ALDH1L2: variants seen among roughly 807,000 people sequenced by gnomAD.
ALDH1L2 encodes the protein aldehyde dehydrogenase 1 family member L2.
In ALDH1L2, 91 loss-of-function variants were observed where a neutral mutation model predicts 111.0. The observed-to-expected ratio is 0.82, with a 90% confidence interval of 0.69 to 0.98. The LOEUF (loss-of-function observed/expected upper bound fraction) is 0.98. Ranked by LOEUF, ALDH1L2 falls within the 50% of genes least tolerant of loss-of-function variation. The probability of loss-of-function intolerance (pLI) is 0.00; values close to 1 mark genes in which losing one functional copy is unlikely to be tolerated. For missense variants in ALDH1L2, 995 were observed against 1,126.8 expected, an observed-to-expected ratio of 0.88 and a Z score of 1.67; for synonymous variants, 374 against 392.6, an observed-to-expected ratio of 0.95 and a Z score of 0.56.
intron 17 of ALDH1L2, among the ~76,000 whole-genome samples, chr12:105,039,469 C>T (rs543280428): frequency 1.1e-4 from 17 of 152,152 alleles, no homozygotes; most frequent in Non-Finnish European, 2.1e-4. Flanking sequence ...GTCTTTTGTG[C>T]TGAATTGTTA....
Position 105,052,858 on chromosome 12 carries a change from G to A in ALDH1L2, c.1361C>T (p.Ala454Val), listed in dbSNP as rs964069170. ...AGTGTCGTAAGTCTTTCCATCGTCT[G>A]CATCTGTGAACTGTCCATTTATGAA... Reference protein sequence around the residue: ...QCFINGQFTDADDGKTYDTIN... With the variant: ...QCFINGQFTDVDDGKTYDTIN... Residue 454 changes from alanine to valine, a missense_variant, in exon 11 of 23, where the codon GCA (alanine) becomes GTA (valine). By Grantham distance (64) the Ala-to-Val change is moderately conservative. Coordinates refer to ENST00000258494, the MANE Select transcript of ALDH1L2 (RefSeq NM_001034173.4). 8 of 1,613,962 alleles carry A rather than the reference G, an allele frequency of 5.0e-6. No homozygotes were observed. Among genetic ancestry groups the A allele is most frequent in the Non-Finnish European group, 3.4e-6 (4 of 1,179,984 alleles).
chr12:105,057,650 C>CA (rs1406230426), intron 10 of ALDH1L2, among the ~76,000 whole-genome samples: 1 of 152,068 alleles, frequency 6.6e-6, no homozygotes, highest in Non-Finnish European at 1.5e-5. Flanking sequence ...AAGCCAGAAA[C>CA]AAAAAGCCAC....
chr12:105,057,701 C>T (rs1340377054), intron 10 of ALDH1L2, among the ~76,000 whole-genome samples: 5 of 152,104 alleles, frequency 3.3e-5, no homozygotes, highest in Non-Finnish European at 4.4e-5. Flanking sequence ...CTAAAATAGG[C>T]AAATCCATAG....
At chr12:105,040,510 G>T in intron 16 of ALDH1L2, 97 bp downstream of exon 16, 1 of 1,087,452 alleles carries the variant, frequency 9.2e-7, no homozygotes, top group Non-Finnish European at 1.4e-6. Flanking sequence ...TTTTAATACA[G>T]TTATAATTCA....
Position 105,024,201 on chromosome 12 carries a change from C to G in ALDH1L2, c.*223G>C, listed in dbSNP as rs1874297700. ...GTATTTTAGAAATACGTATGATATA[C>G]AACATAGTCAAAATGCAACAACTCC... On this transcript the variant is annotated 3_prime_UTR_variant, in exon 23 of 23. Coordinates refer to ENST00000258494, the MANE Select transcript of ALDH1L2 (RefSeq NM_001034173.4). 3 of 595,818 alleles carry G rather than the reference C, an allele frequency of 5.0e-6. No homozygotes were observed. The highest frequency in any genetic ancestry group is 6.0e-5 in the Admixed American group (2 of 33,342). The allele number at this position is 595,818 out of a possible 1,614,324, so 36.9% of individuals were successfully genotyped here.
chr12:105,080,614 A>G (rs1412631325), intron 1 of ALDH1L2, among the ~76,000 whole-genome samples: 1 of 152,152 alleles, frequency 6.6e-6, no homozygotes, highest in African/African-American at 2.4e-5. Context: ...TAGGTTGAGA[A>G]TCCCTTATCC....
chr12:105,076,900 C>G (rs984522017), intron 1 of ALDH1L2, among the ~76,000 whole-genome samples: 1 of 152,274 alleles, frequency 6.6e-6, no homozygotes. Context: ...ACCCATTTTG[C>G]AAATGAGAAA....
In ALDH1L2 at chr12:105,067,316, C is replaced by T. The variant is rs150749956; in HGVS notation, c.595-647G>A. Among the ~76,000 whole-genome samples the T allele has an allele frequency of 6.7e-3, 1,017 of 152,000 alleles. 6 individuals are homozygous for T. Among genetic ancestry groups the T allele is most frequent in the Non-Finnish European group, 8.4e-3 (573 of 67,986 alleles). Reference sequence around the variant, plus strand: ...TAGGTGTCAGAAACAGGATTTGTATCCAGGTCTATCTATTGCCAATCGAAG... The same window carrying T: ...TAGGTGTCAGAAACAGGATTTGTATTCAGGTCTATCTATTGCCAATCGAAG... On this transcript the variant is annotated intron_variant, in intron 4 of 22. Transcript: ENST00000258494.
Position 105,068,862 on chromosome 12 carries a change from T to A in ALDH1L2, c.451A>T (p.Lys151Ter). 1 of 1,581,446 alleles carries A rather than the reference T, an allele frequency of 6.3e-7. No homozygotes were observed. Among genetic ancestry groups the A allele is most frequent in the Non-Finnish European group, 8.6e-7 (1 of 1,168,482 alleles). The stretch of plus-strand genomic sequence containing the variant: ...GCCCAGAAAACAGAAAACCCAGCTT[T>A]CTTATCTCCCATAATTAGAGTCCTG... ...INWTLIMGDK[K>*]AGFSVFWADD... Residue 151 changes from lysine (K) to a stop codon, truncating the protein, a stop_gained, in exon 4 of 23, where the codon AAA (lysine) becomes TAA (stop). Coordinates refer to ENST00000258494, the MANE Select transcript of ALDH1L2 (RefSeq NM_001034173.4). LOFTEE classifies it high-confidence loss of function.
intron 12 of ALDH1L2, among the ~76,000 whole-genome samples, chr12:105,051,619 C>T (rs1228945549): frequency 1.3e-5 from 2 of 152,142 alleles, no homozygotes; most frequent in Non-Finnish European, 2.9e-5. Context: ...CTGCCTGATG[C>T]AAGCAATACT....
In ALDH1L2 at chr12:105,052,232, G is replaced by A. The variant is rs1270094283; in HGVS notation, c.1408-15C>T. 1 of 1,583,820 alleles carries A rather than the reference G, an allele frequency of 6.3e-7. No individual in the cohort carries two copies. The highest frequency in any genetic ancestry group is 8.6e-7 in the Non-Finnish European group (1 of 1,168,600). ...TTGCATATTGTCTATTTCAAGGTAA[G>A]TAAAAATAGGCCCCATGAGAGATAT... On this transcript the variant is annotated splice_polypyrimidine_tract_variant and intron_variant, in intron 11 of 22. Coordinates refer to ENST00000258494, the MANE Select transcript of ALDH1L2 (RefSeq NM_001034173.4).
In ALDH1L2 at chr12:105,082,023, G is replaced by A. The variant is rs140150252; in HGVS notation, c.48+2366C>T. Among the ~76,000 whole-genome samples the A allele has an allele frequency of 8.2e-3, 1,250 of 152,240 alleles. 53 individuals are homozygous for A. The highest frequency in any genetic ancestry group is 0.067 in the Admixed American group (1,026 of 15,288). ...AGCCTGGCCAACATGGCAAAACCTC[G>A]TCTCTACTAAAAATACAAAAATTAG... is the stretch of plus-strand genomic sequence containing the variant. On this transcript the variant is annotated intron_variant, in intron 1 of 22. Transcript: ENST00000258494.
Position 105,050,068 on chromosome 12 carries a change from C to A in ALDH1L2, c.1536-10G>T. 6.4e-7 allele frequency: 1 copy of A among 1,571,212 alleles called. No individual in the cohort carries two copies. The highest frequency in any genetic ancestry group is 1.2e-5 in the South Asian group (1 of 84,628). ...CAGTAGGTCTGCAAGTCTGTGTGGT[C>A]AGTGAAAGAAATAAATTCAACAAGT... On this transcript the variant is annotated splice_polypyrimidine_tract_variant and intron_variant, in intron 12 of 22. Transcript: ENST00000258494.
At position 105,026,757 on chromosome 12, in the gene ALDH1L2, G is replaced by A; in HGVS notation, c.2517-13C>T. The A allele has an allele frequency of 6.2e-7, 1 of 1,612,768 alleles. No homozygotes were observed. Among genetic ancestry groups the A allele is most frequent in the Non-Finnish European group, 8.5e-7 (1 of 1,179,634 alleles). ...TCCATCGATGTCCCTGTGTTTTTAG[G>A]AAGACATAAAACTTCATTAAATGTA... On this transcript the variant is annotated splice_polypyrimidine_tract_variant and intron_variant, in intron 21 of 22. Transcript: ENST00000258494.
chr12:105,072,838 A>T (rs1012843977), intron 2 of ALDH1L2, among the ~76,000 whole-genome samples: 7 of 152,006 alleles, frequency 4.6e-5, no homozygotes, highest in African/African-American at 1.7e-4. Context: ...GCCGGGTATG[A>T]TGGTGGGTGC....
At chr12:105,031,127 C>T (rs1483626954) in intron 20 of ALDH1L2, among the ~76,000 whole-genome samples, 3 of 152,086 alleles carry the variant, frequency 2.0e-5, no homozygotes, top group Non-Finnish European at 4.4e-5. Context: ...TCTTCTTTTT[C>T]CCAGTGACTT....
intron 10 of ALDH1L2, among the ~76,000 whole-genome samples, chr12:105,053,863 A>G (rs59955900): frequency 0.023 from 3,444 of 151,404 alleles, 83 homozygotes; most frequent in African/African-American, 0.057. Flanking sequence ...TTATTATTAT[A>G]TAATATTATT....
intron 8 of ALDH1L2, 29 bp downstream of exon 8, chr12:105,061,598 C>G: frequency 6.2e-7 from 1 of 1,611,550 alleles, no homozygotes; most frequent in Non-Finnish European, 8.5e-7. Context: ...TCCAAGGTAA[C>G]AGTAAGATTT....
Position 105,084,310 on chromosome 12 carries a change from ACCGCCCCGGCCCTC to A in ALDH1L2, c.48+65_48+78del. ...AGCATCGCTGCTCATCCCCAGCCCC[ACCGCCCCGGCCCTC>A]CCGCCCCGGAGTCTGGAAACCAGGA... On this transcript the variant is annotated intron_variant, in intron 1 of 22. Coordinates refer to ENST00000258494, the MANE Select transcript of ALDH1L2 (RefSeq NM_001034173.4). 3 of 1,445,520 alleles carry A rather than the reference ACCGCCCCGGCCCTC, an allele frequency of 2.1e-6. No individual in the cohort carries two copies. The East Asian group carries it at 8.6e-5, about 42-fold the overall frequency. The allele number at this position is 1,445,520 out of a possible 1,614,324, so 89.5% of individuals were successfully genotyped here. A position where few individuals can be genotyped will look rare whatever the true frequency, so the allele number is the denominator to read the frequency against.
Sources: allele counts gnomAD v4.1 joint callset (sites outside exome capture counted in the v4.1 genomes callset), GRCh38; gene constraint gnomAD v4.1.1; transcripts MANE v1.5; gene names NCBI Gene and HGNC (gene_info 2026-07-23, HGNC 2026-07-21).